PACSIN2: variants seen among roughly 807,000 people sequenced by gnomAD.
PACSIN2 encodes protein kinase C and casein kinase substrate in neurons protein 2.
A neutral mutation model predicts 63.8 loss-of-function variants in PACSIN2; 25 were observed. The ratio of observed to expected loss-of-function variants is 0.39; its 90% CI spans 0.29 to 0.55. The LOEUF is 0.55. Among genes scored for constraint, PACSIN2 ranks in the 20% least tolerant of loss-of-function variants. The pLI, the probability that PACSIN2 is intolerant of heterozygous loss-of-function variation, is 0.62. For missense variants in PACSIN2, 518 were observed against 646.9 expected, an observed-to-expected ratio of 0.80 and a Z score of 2.16; for synonymous variants, 255 against 256.2, an observed-to-expected ratio of 1.00 and a Z score of 0.05.
intron 2 of PACSIN2, among the ~76,000 whole-genome samples, chr22:42,895,394 G>A (rs973309708): frequency 6.6e-6 from 1 of 152,104 alleles, no homozygotes; most frequent in South Asian, 2.1e-4. Context: ...CTTGACAGTC[G>A]ACATGAAGCC....
At chr22:42,874,914 A>G (rs931896251) in intron 10 of PACSIN2, among the ~76,000 whole-genome samples, 13 of 145,946 alleles carry the variant, frequency 8.9e-5, no homozygotes, top group African/African-American at 3.3e-4. Flanking sequence ...GCAGTGGCGC[A>G]ATCTCGGCTC....
At chr22:42,918,830 A>G (rs925034747) in intron 1 of PACSIN2, among the ~76,000 whole-genome samples, 1 of 152,220 alleles carries the variant, frequency 6.6e-6, no homozygotes, top group African/African-American at 2.4e-5. Context: ...AAGTACTACT[A>G]TAATTTTTTT....
At chr22:42,925,857 G>A (rs1034984047) in intron 1 of PACSIN2, among the ~76,000 whole-genome samples, 7 of 152,270 alleles carry the variant, frequency 4.6e-5, no homozygotes, top group African/African-American at 1.7e-4. Context: ...TGACAACCCA[G>A]CTGCGGCCCA....
chr22:42,939,306 C>A (rs1051765053), intron 1 of PACSIN2, among the ~76,000 whole-genome samples: 1 of 152,116 alleles, frequency 6.6e-6, no homozygotes, highest in African/African-American at 2.4e-5. Flanking sequence ...CTGAACACTT[C>A]CCCAACCTAA....
In PACSIN2 at chr22:42,871,850, A is replaced by G. The variant is rs1820787263; in HGVS notation, c.1349-381T>C. Reference sequence around the variant, plus strand: ...GTTGGGCCTCTTCTGTCCCCTCCCCAGGGCCCCGGCCGCCTTGCTCCCAGC... The same window carrying G: ...GTTGGGCCTCTTCTGTCCCCTCCCCGGGGCCCCGGCCGCCTTGCTCCCAGC... On this transcript the variant is annotated intron_variant, in intron 10 of 10. Coordinates refer to ENST00000263246, the MANE Select transcript of PACSIN2 (RefSeq NM_001184970.3). The surrounding 1 kb of genome is among the most constrained non-coding windows in gnomAD (Gnocchi z 5.4). 7.8e-6 allele frequency among the ~76,000 whole-genome samples: 1 copy of G among 128,168 alleles called. No homozygotes were observed. Among genetic ancestry groups the G allele is most frequent in the African/African-American group, 2.6e-5 (1 of 39,088 alleles). The allele number at this position is 128,168 out of a possible 152,430, so 84.1% of individuals were successfully genotyped here. A position where few individuals can be genotyped will look rare whatever the true frequency, so the allele number is the denominator to read the frequency against.
At chr22:42,874,852 C>CTTTTTT (rs777530387) in intron 10 of PACSIN2, among the ~76,000 whole-genome samples, 35 of 128,168 alleles carry the variant, frequency 2.7e-4, no homozygotes, top group Non-Finnish European at 4.5e-4. Flanking sequence ...TGGGCATCCG[C>CTTTTTT]TTTTTTTTTT....
Position 42,877,007 on chromosome 22 carries a change from G to A in PACSIN2, c.1032C>T (p.Thr344=), listed in dbSNP as rs1602166230. The A allele has an allele frequency of 1.2e-6, 2 of 1,614,000 alleles. No individual in the cohort carries two copies. Among genetic ancestry groups the A allele is most frequent in the Non-Finnish European group, 1.7e-6 (2 of 1,179,992 alleles). Residue 344 remains threonine, a synonymous_variant, in exon 9 of 11, where the codon ACC becomes ACT. Transcript: ENST00000263246. ...DQSLPSKPSS[T]LNVPSNPAQS... is the part of the protein sequence containing the mutation. Reference sequence around the variant, plus strand: ...GGGCGGGGTTGCTCGGGACATTAAGGGTGCTATGGAGAGAGAGAGCTTTCA... The same window carrying A: ...GGGCGGGGTTGCTCGGGACATTAAGAGTGCTATGGAGAGAGAGAGCTTTCA...
At chr22:42,928,247 C>T (rs1203833366) in intron 1 of PACSIN2, among the ~76,000 whole-genome samples, 2 of 152,244 alleles carry the variant, frequency 1.3e-5, no homozygotes, top group Non-Finnish European at 2.9e-5. Flanking sequence ...AATGTCGCTG[C>T]CTCTGAAGTC....
chr22:42,912,114 T>TTA lies in PACSIN2; in HGVS notation c.-36_-35dup. On this transcript the variant is annotated 5_prime_UTR_variant, in exon 2 of 11. Coordinates refer to ENST00000263246, the MANE Select transcript of PACSIN2 (RefSeq NM_001184970.3). ...AGGCTGAGGGAGCAGCAAAGTATAC[T>TTA]TAGTCAGGGGTCAACTTCGAACGCT... The TTA allele has an allele frequency of 1.3e-6, 2 of 1,523,158 alleles. No homozygotes were observed. Among genetic ancestry groups the TTA allele is most frequent in the Non-Finnish European group, 1.8e-6 (2 of 1,117,470 alleles). The allele number at this position is 1,523,158 out of a possible 1,614,324, so 94.4% of individuals were successfully genotyped here.
chr22:42,983,728 C>G (rs2146890988), intron 1 of PACSIN2, among the ~76,000 whole-genome samples: 1 of 152,272 alleles, frequency 6.6e-6, no homozygotes, highest in South Asian at 2.1e-4. Context: ...TCCTGAGTAG[C>G]TGGGACTATA....
At chr22:42,962,568 G>A (rs1418400665) in intron 1 of PACSIN2, among the ~76,000 whole-genome samples, 2 of 151,596 alleles carry the variant, frequency 1.3e-5, no homozygotes, top group East Asian at 1.9e-4. Flanking sequence ...AGAACTGGGG[G>A]TGGGGGGTGG....
At chr22:42,924,155 C>T (rs914223578) in intron 1 of PACSIN2, among the ~76,000 whole-genome samples, 2 of 151,958 alleles carry the variant, frequency 1.3e-5, no homozygotes, top group Non-Finnish European at 2.9e-5. Flanking sequence ...CTTTAGGGAG[C>T]GGGGGAGGTC....
intron 1 of PACSIN2, among the ~76,000 whole-genome samples, chr22:42,912,578 C>T (rs1378297878): frequency 2.0e-5 from 3 of 152,212 alleles, no homozygotes; most frequent in South Asian, 2.1e-4. Flanking sequence ...TTACTGACTC[C>T]GCCACTGAAG....
At chr22:42,894,000 T>C (rs1930106985) in intron 2 of PACSIN2, among the ~76,000 whole-genome samples, 1 of 152,184 alleles carries the variant, frequency 6.6e-6, no homozygotes, top group African/African-American at 2.4e-5. Context: ...CAAAGCCTTC[T>C]GCTTTGATGT....
intron 1 of PACSIN2, among the ~76,000 whole-genome samples, chr22:42,915,989 C>G (rs977694520): frequency 5.3e-5 from 8 of 152,172 alleles, no homozygotes; most frequent in South Asian, 2.1e-4. Flanking sequence ...GAGTCAGTGA[C>G]GTAATGCAGA....
At chr22:42,939,739 A>G (rs1933065958) in intron 1 of PACSIN2, among the ~76,000 whole-genome samples, 1 of 152,208 alleles carries the variant, frequency 6.6e-6, no homozygotes, top group Non-Finnish European at 1.5e-5. Flanking sequence ...ACTTCCTGCC[A>G]GCCTGTTTCC....
intron 3 of PACSIN2, 90 bp from the exon 4 acceptor site, chr22:42,891,272 T>G: frequency 2.6e-6 from 2 of 771,458 alleles, no homozygotes; most frequent in Non-Finnish European, 4.3e-6. Context: ...TGTGGCCATT[T>G]AGACCACAGA....
At chr22:42,912,330 A>C (rs971570010) in intron 1 of PACSIN2, among the ~76,000 whole-genome samples, 173 bp from the exon 2 acceptor site, 6 of 152,156 alleles carry the variant, frequency 3.9e-5, no homozygotes, top group African/African-American at 1.4e-4. Context: ...CTGGGCACAT[A>C]TGTGTATGTC....
intron 2 of PACSIN2, among the ~76,000 whole-genome samples, chr22:42,911,503 A>G (rs1352402492): frequency 6.6e-6 from 1 of 152,200 alleles, no homozygotes; most frequent in Non-Finnish European, 1.5e-5. Context: ...TCCACAAAAA[A>G]ACAAAAATAA....
Sources: allele counts gnomAD v4.1 joint callset (sites outside exome capture counted in the v4.1 genomes callset), GRCh38; gene constraint gnomAD v4.1.1; non-coding constraint Gnocchi (gnomAD v3.1); transcripts MANE v1.5; gene names NCBI Gene and HGNC (gene_info 2026-07-23, HGNC 2026-07-21).